LGMN: variants seen among roughly 807,000 people sequenced by gnomAD.
LGMN encodes the protein asparaginyl endopeptidase.
Under a neutral mutation model 56.8 loss-of-function variants are expected in LGMN, and 36 were observed. The observed-to-expected ratio is 0.63, with a 90% confidence interval of 0.49 to 0.84. LGMN has a LOEUF of 0.84. Among genes scored for constraint, LGMN ranks in the 40% least tolerant of loss-of-function variants. LGMN has a pLI of 0.00. For synonymous variants in LGMN, 199 were observed against 210.1 expected, an observed-to-expected ratio of 0.95 and a Z score of 0.46; for missense variants, 446 against 556.1, an observed-to-expected ratio of 0.80 and a Z score of 1.99.
chr14:92,728,014 ATGT>A (rs1890829205), intron 2 of LGMN, among the ~76,000 whole-genome samples: 1 of 152,224 alleles, frequency 6.6e-6, no homozygotes, highest in African/African-American at 2.4e-5. Flanking sequence ...CACTGAGTCT[ATGT>A]AGCAGTTGTG....
chr14:92,739,838 G>A (rs753182147), intron 1 of LGMN, among the ~76,000 whole-genome samples: 24 of 152,200 alleles, frequency 1.6e-4, no homozygotes, highest in Non-Finnish European at 1.9e-4. Flanking sequence ...AGATCGTAAC[G>A]TGCCAAGACT....
chr14:92,708,598 T>C (rs1157190499), intron 11 of LGMN, among the ~76,000 whole-genome samples: 4 of 152,090 alleles, frequency 2.6e-5, no homozygotes, highest in Admixed American at 2.0e-4. Flanking sequence ...ACAAACCACA[T>C]TGATTTAAAA....
intron 2 of LGMN, among the ~76,000 whole-genome samples, chr14:92,723,411 T>A (rs1417720862): frequency 6.6e-6 from 1 of 152,186 alleles, no homozygotes; most frequent in East Asian, 1.9e-4. Context: ...AAGATTTGCA[T>A]GCAAATGTTC....
chr14:92,718,955 C>A (rs543321318), intron 2 of LGMN, 111 bp from the exon 3 acceptor site: 3 of 623,048 alleles, frequency 4.8e-6, no homozygotes, highest in Admixed American at 2.5e-5. Flanking sequence ...ATCATCCCGT[C>A]GGTCAGGCAT....
At chr14:92,707,461 G>A (rs1405310870) in intron 11 of LGMN, among the ~76,000 whole-genome samples, 1 of 152,140 alleles carries the variant, frequency 6.6e-6, no homozygotes, top group Non-Finnish European at 1.5e-5. Context: ...ATCTTTACAA[G>A]GCTGGATTTT....
In LGMN at chr14:92,714,355, T is replaced by G. The variant is rs746395031; in HGVS notation, c.480+21A>C. 44 of 1,539,134 alleles carry G rather than the reference T, an allele frequency of 2.9e-5. No homozygotes were observed. In the South Asian group the frequency reaches 4.8e-4, roughly 17 times the overall value. Reference sequence around the variant, plus strand: ...CTTTTCTGTTCTGCTAGTTTGTCCTTAAAACGTTAAGAAAACTCACATCTT... The same window carrying G: ...CTTTTCTGTTCTGCTAGTTTGTCCTGAAAACGTTAAGAAAACTCACATCTT... On this transcript the variant is annotated intron_variant, in intron 6 of 13. Transcript: ENST00000334869. The surrounding 1 kb of genome is among the most constrained non-coding windows in gnomAD (Gnocchi z 5.1).
At chr14:92,741,182 G>C (rs1440225324) in intron 1 of LGMN, 1 of 147,430 alleles carries the variant, frequency 6.8e-6, no homozygotes, top group African/African-American at 2.5e-5. Context: ...GTAAGACCCT[G>C]TCAAGAAAAG....
chr14:92,731,241 T>G lies in LGMN; in HGVS notation c.138+1408A>C, dbSNP rs989021606. Among the ~76,000 whole-genome samples the G allele has an allele frequency of 2.6e-5, 4 of 152,342 alleles. No homozygotes were observed. The East Asian group carries it at 7.7e-4, about 29-fold the overall frequency. ...GAGCCCAATATATAGATACTGCAAG[T>G]CTAAGCATTTGTTTCTGAGACTGAC... On this transcript the variant is annotated intron_variant, in intron 2 of 13. Coordinates refer to ENST00000334869, the MANE Select transcript of LGMN (RefSeq NM_005606.7).
intron 1 of LGMN, among the ~76,000 whole-genome samples, chr14:92,738,012 G>T (rs2140273514): frequency 6.6e-6 from 1 of 152,262 alleles, no homozygotes; most frequent in African/African-American, 2.4e-5. Flanking sequence ...GTCTCAAAGA[G>T]CGTCATTCCT....
chr14:92,736,932 T>A (rs1891334167), intron 1 of LGMN, among the ~76,000 whole-genome samples: 1 of 152,116 alleles, frequency 6.6e-6, no homozygotes, highest in African/African-American at 2.4e-5. Context: ...AGCAAAAATA[T>A]CCATGTCCCC....
At chr14:92,733,290 C>T (rs998010370) in intron 1 of LGMN, among the ~76,000 whole-genome samples, 9 of 152,094 alleles carry the variant, frequency 5.9e-5, no homozygotes, top group Non-Finnish European at 1.3e-4. Context: ...AGCTCTATTG[C>T]TCCAGCCTGT....
At chr14:92,741,212 C>T (rs1313582440) in intron 1 of LGMN, 1 of 151,750 alleles carries the variant, frequency 6.6e-6, no homozygotes, top group African/African-American at 2.4e-5. Flanking sequence ...AAAAAGACTT[C>T]ACTTGGATCC....
Position 92,709,758 on chromosome 14 carries a change from GA to G in LGMN, c.933del (p.Leu312SerfsTer4). Reference sequence around the variant, plus strand: ...ATCAGTTTCCTTTTCATGATGGTGAGAGGCACATCAGGGCTGGGGGTGAGGT... The same window carrying G: ...ATCAGTTTCCTTTTCATGATGGTGAGGGCACATCAGGGCTGGGGGTGAGGT... ...HLDLTPSPDVPLTIMKRKLMN... is the reference protein window; with the variant it reads ...HLDLTPSPDVXLTIMKRKLMN... On this transcript the variant is annotated frameshift_variant, in exon 11 of 14. Transcript: ENST00000334869. LOFTEE classifies it high-confidence loss of function. 1 of 1,614,142 alleles carries G rather than the reference GA, an allele frequency of 6.2e-7. No homozygotes were observed. The highest frequency in any genetic ancestry group is 8.5e-7 in the Non-Finnish European group (1 of 1,179,994).
At chr14:92,719,127 AACCACC>A in intron 2 of LGMN, among the ~76,000 whole-genome samples, 1 of 144,136 alleles carries the variant, frequency 6.9e-6, no homozygotes, top group Non-Finnish European at 1.5e-5. Context: ...CCACCACCAC[AACCACC>A]GCCACCGCCA....
At chr14:92,718,678 A>G in intron 3 of LGMN, 69 bp downstream of exon 3, 1 of 972,144 alleles carries the variant, frequency 1.0e-6, no homozygotes, top group Non-Finnish European at 1.7e-6. Flanking sequence ...GATTCCTGTG[A>G]GTCTATGTGA....
rs1566911900 is a variant in LGMN, at chr14:92,704,590, T to A, written c.1259+50A>T. On this transcript the variant is annotated intron_variant, in intron 13 of 13. Transcript: ENST00000334869. ...TGCAGAAGAGGATGGCAGCCCCTTCTGCTTTCAGAATGACATCGACCTTTC... is the reference window on the plus strand; with the variant it reads ...TGCAGAAGAGGATGGCAGCCCCTTCAGCTTTCAGAATGACATCGACCTTTC... 6 of 1,487,912 alleles carry A rather than the reference T, an allele frequency of 4.0e-6. 1 individual carries two copies. The South Asian group carries it at 6.7e-5, about 17-fold the overall frequency. The allele number at this position is 1,487,912 out of a possible 1,614,324, so 92.2% of individuals were successfully genotyped here. A position where few individuals can be genotyped will look rare whatever the true frequency, so the allele number is the denominator to read the frequency against.
At chr14:92,719,167 A>ACCG (rs1566923649) in intron 2 of LGMN, among the ~76,000 whole-genome samples, 2 of 90,986 alleles carry the variant, frequency 2.2e-5, no homozygotes, top group Non-Finnish European at 4.2e-5. Context: ...TGCCACCACC[A>ACCG]CCACCACCAC....
At chr14:92,719,351 C>A (rs961211035) in intron 2 of LGMN, among the ~76,000 whole-genome samples, 2 of 141,372 alleles carry the variant, frequency 1.4e-5, no homozygotes, top group East Asian at 2.0e-4. Flanking sequence ...ACCGCCACCA[C>A]CACCAACACC....
intron 3 of LGMN, 53 bp from the exon 4 acceptor site, chr14:92,717,514 C>T: frequency 7.6e-7 from 1 of 1,313,562 alleles, no homozygotes; most frequent in South Asian, 1.2e-5. Flanking sequence ...TCCGAAATCT[C>T]TCTCTTCAAA....
Sources: gnomAD v4.1 joint callset for allele counts (sites outside exome capture counted in the v4.1 genomes callset) on GRCh38, gnomAD v4.1.1 for gene constraint, Gnocchi (gnomAD v3.1) non-coding constraint, MANE v1.5 for transcripts, NCBI Gene and HGNC (gene_info 2026-07-23, HGNC 2026-07-21) for gene names.